The following KSR1 variants were observed in gnomAD, a reference collection of about 807,000 sequenced individuals.
The protein encoded by KSR1 is kinase suppressor of ras.
A neutral mutation model predicts 92.9 loss-of-function variants in KSR1; 35 were observed. The observed-to-expected ratio is 0.38, with a 90% CI of 0.29 to 0.50. The LOEUF (loss-of-function observed/expected upper bound fraction) is 0.50, where lower values mean the gene tolerates loss of function less well. Among genes scored for constraint, KSR1 ranks in the 20% least tolerant of loss-of-function variants. The pLI is 0.94. For synonymous variants in KSR1, 467 were observed against 472.6 expected (o/e 0.99, Z 0.15); for missense variants, 972 against 1,158.5 (o/e 0.84, Z 2.34).
At chr17:27,529,576 A>G (rs1010813181) in intron 1 of KSR1, among the ~76,000 whole-genome samples, 14 of 152,194 alleles carry the variant, frequency 9.2e-5, no homozygotes, top group African/African-American at 2.4e-4. Context: ...CCCTCTGCCA[A>G]TGTTGCCAAA....
intron 1 of KSR1, among the ~76,000 whole-genome samples, chr17:27,517,548 G>T (rs1392800452): frequency 6.6e-6 from 1 of 152,112 alleles, no homozygotes; most frequent in Admixed American, 6.5e-5. Flanking sequence ...CGCCCACCTT[G>T]GCCTCCCAAA....
At chr17:27,583,334 A>AGGGTAGGCC (rs1365706562) in intron 4 of KSR1, among the ~76,000 whole-genome samples, 23 of 152,256 alleles carry the variant, frequency 1.5e-4, no homozygotes, top group African/African-American at 5.3e-4. Flanking sequence ...GATGCCACGT[A>AGGGTAGGCC]TGGGTCAGGG....
intron 3 of KSR1, chr17:27,578,100 G>A (rs1296550525): frequency 2.1e-5 from 5 of 237,720 alleles, no homozygotes; most frequent in South Asian, 8.8e-5. Flanking sequence ...GAGTGTGTAC[G>A]TGGCTGTCCC....
At chr17:27,539,429 C>T (rs1470281649) in intron 1 of KSR1, among the ~76,000 whole-genome samples, 5 of 152,352 alleles carry the variant, frequency 3.3e-5, no homozygotes, top group South Asian at 2.1e-4. Flanking sequence ...GTGTCATGGA[C>T]GCTTAGACCT....
At chr17:27,529,275 A>T (rs913577783) in intron 1 of KSR1, among the ~76,000 whole-genome samples, 1 of 152,170 alleles carries the variant, frequency 6.6e-6, no homozygotes, top group African/African-American at 2.4e-5. Flanking sequence ...TACACTGTTA[A>T]AAGGGACTTA....
intron 1 of KSR1, among the ~76,000 whole-genome samples, chr17:27,545,860 C>A (rs1346828753): frequency 6.6e-6 from 1 of 152,184 alleles, no homozygotes; most frequent in African/African-American, 2.4e-5. Flanking sequence ...AACGCTGGCT[C>A]AGGCTAAGGC....
rs573823029 is a variant in KSR1 at position 27,607,761 on chromosome 17, T to G, written c.1995-153T>G. Reference sequence around the variant, plus strand: ...CGTTCAGGCCAGGCCCCAGCAGGACTGGGCTGGGTTAAAGAAGATTTGGCT... The same window carrying G: ...CGTTCAGGCCAGGCCCCAGCAGGACGGGGCTGGGTTAAAGAAGATTTGGCT... On this transcript the variant is annotated intron_variant, in intron 14 of 20. Coordinates refer to ENST00000644974, the MANE Select transcript of KSR1 (RefSeq NM_001394583.1). 2.0e-5 allele frequency among the ~76,000 whole-genome samples: 3 copies of G among 152,244 alleles called. No homozygotes were observed. In the South Asian group the frequency reaches 6.2e-4, roughly 32 times the overall value.
At chr17:27,596,723 G>A (rs1051174572) in intron 9 of KSR1, among the ~76,000 whole-genome samples, 6 of 152,176 alleles carry the variant, frequency 3.9e-5, no homozygotes, top group East Asian at 1.9e-4. Flanking sequence ...TACACCTCTC[G>A]CTTATCATTG....
intron 2 of KSR1, among the ~76,000 whole-genome samples, chr17:27,568,536 T>C (rs2072175269): frequency 6.6e-6 from 1 of 152,218 alleles, no homozygotes; most frequent in South Asian, 2.1e-4. Flanking sequence ...CCATTCTCTT[T>C]TTCAATGGTG....
intron 1 of KSR1, among the ~76,000 whole-genome samples, chr17:27,490,743 A>G (rs2068797562): frequency 6.6e-6 from 1 of 152,214 alleles, no homozygotes. Context: ...TACCATCATT[A>G]TTGAAATTGA....
rs557574072 is a variant in KSR1, at chr17:27,586,352, T to A, written c.985+691T>A. Among the ~76,000 whole-genome samples, 272 of 152,334 alleles carry A rather than the reference T, an allele frequency of 1.8e-3. 1 individual carries two copies. The highest frequency in any genetic ancestry group is 3.3e-3 in the Non-Finnish European group (225 of 68,032). On this transcript the variant is annotated intron_variant, in intron 5 of 20. Coordinates refer to ENST00000644974, the MANE Select transcript of KSR1 (RefSeq NM_001394583.1). ...AATTGTCTGGAAATGCAGAGATGTC[T>A]GGTTTTTGCCTGAGCAAAATAGGAG... is the stretch of plus-strand genomic sequence containing the variant.
intron 1 of KSR1, among the ~76,000 whole-genome samples, chr17:27,468,554 G>T (rs2150915818): frequency 6.6e-6 from 1 of 152,278 alleles, no homozygotes; most frequent in Admixed American, 6.5e-5. Flanking sequence ...GTGATCTAGG[G>T]TATTTATGCT....
intron 10 of KSR1, 43 bp downstream of exon 10, chr17:27,597,479 C>A (rs1377290841): frequency 1.9e-6 from 3 of 1,548,008 alleles, no homozygotes; most frequent in East Asian, 2.3e-5. Flanking sequence ...GGGATACAGT[C>A]AGATCCCCTT....
At chr17:27,533,429 G>C (rs2070626961) in intron 1 of KSR1, among the ~76,000 whole-genome samples, 1 of 151,596 alleles carries the variant, frequency 6.6e-6, no homozygotes, top group South Asian at 2.1e-4. Flanking sequence ...CTGTCACCAG[G>C]CTGGAGTGCA....
chr17:27,522,265 A>C (rs1006494507), intron 1 of KSR1, among the ~76,000 whole-genome samples: 3 of 152,226 alleles, frequency 2.0e-5, no homozygotes, highest in Non-Finnish European at 4.4e-5. Context: ...CAGGAAAAAC[A>C]GGACTGAGAA....
chr17:27,465,841 G>A (rs568387487), intron 1 of KSR1, among the ~76,000 whole-genome samples: 1 of 151,890 alleles, frequency 6.6e-6, no homozygotes, highest in Non-Finnish European at 1.5e-5. Context: ...CATTCATGGT[G>A]CACACACAGT....
Position 27,621,863 on chromosome 17 carries a change from G to A in KSR1, c.2708+590G>A, listed in dbSNP as rs567062418. On this transcript the variant is annotated intron_variant, in intron 20 of 20. Coordinates refer to ENST00000644974, the MANE Select transcript of KSR1 (RefSeq NM_001394583.1). ...TGCTCTGGCCAGACCTCTAGCTCCC[G>A]ACAGGCTCTGCATTGGGGCTATGAT... is the stretch of plus-strand genomic sequence containing the variant. 87 of 1,568,458 alleles carry A rather than the reference G, an allele frequency of 5.5e-5. 1 individual carries two copies. Among genetic ancestry groups the A allele is most frequent in the Middle Eastern group, 1.7e-4 (1 of 5,964 alleles).
intron 1 of KSR1, among the ~76,000 whole-genome samples, chr17:27,457,773 G>A (rs568387435): frequency 6.6e-6 from 1 of 152,274 alleles, no homozygotes; most frequent in Admixed American, 6.5e-5. Context: ...ACGGGGCGGT[G>A]AAACGTCAGA....
chr17:27,515,174 A>G (rs935680876), intron 1 of KSR1, among the ~76,000 whole-genome samples: 1 of 152,232 alleles, frequency 6.6e-6, no homozygotes, highest in Admixed American at 6.5e-5. Flanking sequence ...TCAGTAACTG[A>G]AACATTCTTG....
Sources: allele counts gnomAD v4.1 joint callset (sites outside exome capture counted in the v4.1 genomes callset), GRCh38; gene constraint gnomAD v4.1.1; transcripts MANE v1.5; gene names NCBI Gene and HGNC (gene_info 2026-07-23, HGNC 2026-07-21).